Variants in FSTL4 observed in about 807,000 individuals in gnomAD.
FSTL4 encodes the protein follistatin-related protein 4.
FSTL4 carries 28 observed loss-of-function variants against 78.2 expected under a neutral mutation model. That is an observed-to-expected ratio of 0.36 (90% CI 0.27 to 0.49). The LOEUF (loss-of-function observed/expected upper bound fraction) is 0.49. FSTL4 is among the 20% of genes least tolerant of loss of function. The pLI, the probability that FSTL4 is intolerant of heterozygous loss-of-function variation, is 0.98. For synonymous variants in FSTL4, 422 were observed against 440.5 expected (o/e 0.96, Z 0.53); for missense variants, 922 against 1,084.9 (o/e 0.85, Z 2.11).
At chr5:133,723,730 G>A in the FSTL4 span, among the ~76,000 whole-genome samples, 1 of 152,180 alleles carries the variant, frequency 6.6e-6, no homozygotes, top group Non-Finnish European at 1.5e-5. Context: ...TGGCTACATG[G>A]ATCAGTGAAG....
chr5:133,520,471 T>C (rs1030806959), intron 3 of FSTL4, among the ~76,000 whole-genome samples: 3 of 152,142 alleles, frequency 2.0e-5, no homozygotes, highest in African/African-American at 7.2e-5. Context: ...CAGCCAGTGA[T>C]GGACAGCACT....
the FSTL4 span, among the ~76,000 whole-genome samples, chr5:133,821,387 A>T: frequency 2.0e-5 from 3 of 152,264 alleles, no homozygotes; most frequent in South Asian, 6.2e-4. Flanking sequence ...GAAAAGTGAA[A>T]GCAAACAGGG....
chr5:133,333,517 T>G lies in FSTL4; in HGVS notation c.410-16865A>C, dbSNP rs190179678. On this transcript the variant is annotated intron_variant, in intron 4 of 15. Transcript: ENST00000265342. ...TAGGGGCCCCTTACTGGGCAAATCT[T>G]ATTGTCACTAACACACTGGCACATC... 4.4e-3 allele frequency among the ~76,000 whole-genome samples: 673 copies of G among 152,302 alleles called. 1 individual carries two copies. Among genetic ancestry groups the G allele is most frequent in the Middle Eastern group, 0.031 (9 of 294 alleles).
At chr5:133,269,113 C>T (rs904384136) in intron 6 of FSTL4, among the ~76,000 whole-genome samples, 4 of 140,240 alleles carry the variant, frequency 2.9e-5, no homozygotes, top group Non-Finnish European at 4.5e-5. Context: ...ACCCGGGAGG[C>T]GGAGCTTGCA....
chr5:133,495,634 G>C (rs1409406679), intron 3 of FSTL4, among the ~76,000 whole-genome samples: 1 of 152,192 alleles, frequency 6.6e-6, no homozygotes, highest in Non-Finnish European at 1.5e-5. Flanking sequence ...ACAGTGAACA[G>C]CAATGATGAG....
chr5:133,244,209 T>C (rs1751965923), intron 7 of FSTL4: 1 of 152,304 alleles, frequency 6.6e-6, no homozygotes, highest in Admixed American at 6.5e-5. Context: ...CACCAGGGAA[T>C]GGCCCCTTGT....
chr5:133,499,369 T>TACACACACACACACACACAC, intron 3 of FSTL4, among the ~76,000 whole-genome samples: 1 of 126,792 alleles, frequency 7.9e-6, no homozygotes, highest in East Asian at 2.6e-4. Context: ...ACAAGGGGAA[T>TACACACACACACACACACAC]ACACACACAC....
chr5:133,346,591 G>A (rs1003792861), intron 4 of FSTL4, among the ~76,000 whole-genome samples: 38 of 151,968 alleles, frequency 2.5e-4, no homozygotes, highest in Non-Finnish European at 5.6e-4. Context: ...AAGAGGATAC[G>A]CAACTATACA....
chr5:133,665,251 C>T, the FSTL4 span, among the ~76,000 whole-genome samples: 1 of 152,218 alleles, frequency 6.6e-6, no homozygotes, highest in African/African-American at 2.4e-5. Context: ...TGGCTTGACC[C>T]AGCACAAGCT....
intron 2 of FSTL4, among the ~76,000 whole-genome samples, chr5:133,601,650 T>C (rs967966326): frequency 1.0e-4 from 12 of 120,158 alleles, no homozygotes; most frequent in African/African-American, 4.6e-4. Context: ...CTCTGTTTTC[T>C]TTTTTTTCCT....
intron 4 of FSTL4, among the ~76,000 whole-genome samples, chr5:133,372,083 C>A (rs1451351168): frequency 6.6e-6 from 1 of 152,192 alleles, no homozygotes; most frequent in Non-Finnish European, 1.5e-5. Flanking sequence ...CGAACATGTG[C>A]CTGCTGGGGC....
At chr5:133,568,612 AAGG>A (rs1760081492) in intron 2 of FSTL4, among the ~76,000 whole-genome samples, 2 of 152,324 alleles carry the variant, frequency 1.3e-5, no homozygotes, top group Middle Eastern at 3.4e-3. Flanking sequence ...CTGGTTCCTG[AAGG>A]AGTACTCATC....
chr5:133,830,828 T>G, the FSTL4 span, among the ~76,000 whole-genome samples: 1 of 152,096 alleles, frequency 6.6e-6, no homozygotes, highest in Non-Finnish European at 1.5e-5. Flanking sequence ...CTCTTTTCTC[T>G]TATCCATCCA....
the FSTL4 span, among the ~76,000 whole-genome samples, chr5:133,636,684 T>A: frequency 2.6e-5 from 4 of 152,158 alleles, no homozygotes; most frequent in Non-Finnish European, 5.9e-5. Flanking sequence ...GTAAGCACTA[T>A]GTAAATATTT....
intron 3 of FSTL4, among the ~76,000 whole-genome samples, chr5:133,481,047 C>T (rs1325060174): frequency 1.3e-5 from 2 of 152,120 alleles, no homozygotes; most frequent in African/African-American, 2.4e-5. Context: ...TGGAAGGGAC[C>T]GTGGCTGTTG....
chr5:133,800,713 G>A, the FSTL4 span, among the ~76,000 whole-genome samples: 40 of 99,496 alleles, frequency 4.0e-4, 8 homozygotes, highest in African/African-American at 1.4e-3. Context: ...TACAAATGCT[G>A]CCTGGCCAAT....
At chr5:133,248,599 A>T (rs1752116394) in intron 7 of FSTL4, 1 of 152,198 alleles carries the variant, frequency 6.6e-6, no homozygotes, top group South Asian at 2.1e-4. Context: ...AGTATTGCTA[A>T]CGTTTTTCTT....
At chr5:133,573,313 T>G (rs922810043) in intron 2 of FSTL4, among the ~76,000 whole-genome samples, 1 of 151,830 alleles carries the variant, frequency 6.6e-6, no homozygotes, top group African/African-American at 2.4e-5. Flanking sequence ...ATTGGCATAA[T>G]AGAGAAAACA....
At chr5:133,376,239 A>G (rs1755433155) in intron 4 of FSTL4, among the ~76,000 whole-genome samples, 1 of 152,262 alleles carries the variant, frequency 6.6e-6, no homozygotes, top group Non-Finnish European at 1.5e-5. Flanking sequence ...ACTGAACAGA[A>G]GAAAGAACTC....
Sources: allele counts gnomAD v4.1 joint callset (sites outside exome capture counted in the v4.1 genomes callset), GRCh38; gene constraint gnomAD v4.1.1; transcripts MANE v1.5; gene names NCBI Gene and HGNC (gene_info 2026-07-23, HGNC 2026-07-21).